FARP1: variants seen among roughly 807,000 people sequenced by gnomAD.
The protein encoded by FARP1 is FERM, ARH/RhoGEF and pleckstrin domain protein 1.
FARP1 carries 52 observed loss-of-function variants against 128.8 expected under a neutral mutation model. The observed-to-expected ratio is 0.40, with a 90% CI of 0.32 to 0.51. FARP1 has a LOEUF of 0.51. Among genes scored for constraint, FARP1 ranks in the 20% least tolerant of loss-of-function variants. FARP1 has a pLI of 0.45. For synonymous variants in FARP1, 580 were observed against 551.8 expected (o/e 1.05, Z -0.72); for missense variants, 1,333 against 1,367.9 (o/e 0.97, Z 0.40).
rs1043785861 is a variant in FARP1 at position 98,176,118 on chromosome 13, C to G, written c.-24+32626C>G. 17 of 1,551,624 alleles carry G rather than the reference C, an allele frequency of 1.1e-5. No homozygotes were observed. Among genetic ancestry groups the G allele is most frequent in the African/African-American group, 4.1e-5 (3 of 73,344 alleles). ...AGACTGTCATCTCTCTCATCTTACTCAACAGGCTGCTTCTCCCCAGTGTAC... is the reference window on the plus strand; with the variant it reads ...AGACTGTCATCTCTCTCATCTTACTGAACAGGCTGCTTCTCCCCAGTGTAC... On this transcript the variant is annotated intron_variant, in intron 1 of 26. Coordinates refer to ENST00000319562, the MANE Select transcript of FARP1 (RefSeq NM_005766.4). The surrounding 1 kb of genome is among the most constrained non-coding windows in gnomAD (Gnocchi z 6.2).
chr13:98,258,462 G>T (rs750064382), intron 2 of FARP1, among the ~76,000 whole-genome samples: 71 of 152,144 alleles, frequency 4.7e-4, no homozygotes, highest in African/African-American at 7.2e-4. Flanking sequence ...CGTGAGCATC[G>T]TGTTTGCTAA....
chr13:98,373,529 G>GACACACACACACACACAC (rs1555341442), intron 5 of FARP1, among the ~76,000 whole-genome samples: 2 of 79,244 alleles, frequency 2.5e-5, no homozygotes, highest in Non-Finnish European at 5.0e-5. Context: ...GAGACAGACA[G>GACACACACACACACACAC]ACAGACACAC....
Position 98,220,613 on chromosome 13 carries a change from G to T in FARP1, c.171+7200G>T, listed in dbSNP as rs114966946. Among the ~76,000 whole-genome samples the T allele has an allele frequency of 3.8e-3, 578 of 152,198 alleles. 6 individuals carry two copies. Among genetic ancestry groups the T allele is most frequent in the African/African-American group, 0.013 (558 of 41,504 alleles). On this transcript the variant is annotated intron_variant, in intron 2 of 26. Coordinates refer to ENST00000319562, the MANE Select transcript of FARP1 (RefSeq NM_005766.4). ...TGCTTGTCTGAGTGTAGCCCCATGAGATTAAATTTAAAGGCTATTTTGGCT... is the reference window on the plus strand; with the variant it reads ...TGCTTGTCTGAGTGTAGCCCCATGATATTAAATTTAAAGGCTATTTTGGCT...
chr13:98,395,259 A>C lies in FARP1; in HGVS notation c.1197A>C (p.Glu399Asp). 6.2e-7 allele frequency: 1 copy of C among 1,604,766 alleles called. No individual in the cohort carries two copies. Among genetic ancestry groups the C allele is most frequent in the Non-Finnish European group, 8.5e-7 (1 of 1,172,610 alleles). ...AGAGCACCAGCCTTACATTTGGAGA[A>C]GGTGCCGAATCTCCAGGGGGCCAGA... Reference protein sequence around the residue: ...SQQSTSLTFGEGAESPGGQSC... With the variant: ...SQQSTSLTFGDGAESPGGQSC... Residue 399 changes from glutamate (E) to aspartate (D), a missense_variant, in exon 13 of 27, where the codon GAA (glutamate) becomes GAC (aspartate). Physicochemically the swap from Glu to Asp is conservative, Grantham distance 45. Coordinates refer to ENST00000319562, the MANE Select transcript of FARP1 (RefSeq NM_005766.4).
intron 2 of FARP1, among the ~76,000 whole-genome samples, chr13:98,260,810 A>G (rs1272250473): frequency 1.3e-5 from 2 of 152,316 alleles, no homozygotes; most frequent in South Asian, 2.1e-4. Context: ...GCTTCTCGTC[A>G]GGTTTTCCAG....
intron 1 of FARP1, among the ~76,000 whole-genome samples, chr13:98,194,854 A>G (rs1594255326): frequency 6.6e-6 from 1 of 152,224 alleles, no homozygotes; most frequent in Non-Finnish European, 1.5e-5. Flanking sequence ...TGTAACCATC[A>G]GTGGCGGGTA....
intron 2 of FARP1, among the ~76,000 whole-genome samples, chr13:98,271,341 A>T (rs1884378980): frequency 6.6e-6 from 1 of 152,156 alleles, no homozygotes; most frequent in Non-Finnish European, 1.5e-5. Context: ...GCTCCTCTTA[A>T]CGGTGGTGAG....
At position 98,448,559 on chromosome 13, in the gene FARP1, T is replaced by TAAAAC. The variant is rs1893009880; in HGVS notation, c.*244_*248dup. 1.9e-6 allele frequency: 1 copy of TAAAAC among 515,256 alleles called. No homozygotes were observed. The highest frequency in any genetic ancestry group is 3.5e-5 in the Admixed American group (1 of 28,540). 31.9% of individuals were successfully genotyped at this position (515,256 alleles called of 1,614,324 possible). On this transcript the variant is annotated 3_prime_UTR_variant, in exon 27 of 27. Transcript: ENST00000319562. ...GCTGTTCTTTAGCTAGTGCCAGTATTAAAACATTGTCATTACGAGAGTGCC... is the reference window on the plus strand; with the variant it reads ...GCTGTTCTTTAGCTAGTGCCAGTATTAAAACAAAACATTGTCATTACGAGAGTGCC...
intron 16 of FARP1, among the ~76,000 whole-genome samples, chr13:98,417,455 G>GGGGAAAAAAA (rs1491453247): frequency 1.7e-5 from 1 of 58,454 alleles, no homozygotes; most frequent in African/African-American, 5.7e-5. Flanking sequence ...CCAGAGGTTT[G>GGGGAAAAAAA]AAAAAAAAAA....
At chr13:98,379,227 TCTATATATA>T (rs1889794521) in intron 6 of FARP1, among the ~76,000 whole-genome samples, 4 of 122,460 alleles carry the variant, frequency 3.3e-5, no homozygotes, top group African/African-American at 9.8e-5. Flanking sequence ...ATATAATCTA[TCTATATATA>T]ATCTATATAT....
chr13:98,144,099 C>T (rs1210444960), intron 1 of FARP1, among the ~76,000 whole-genome samples: 1 of 152,170 alleles, frequency 6.6e-6, no homozygotes, highest in African/African-American at 2.4e-5. Context: ...AAGCAAAGGA[C>T]AGATTGCTTT....
intron 23 of FARP1, 139 bp from the exon 24 acceptor site, chr13:98,440,531 C>T (rs928717952): frequency 2.2e-5 from 18 of 802,876 alleles, no homozygotes; most frequent in East Asian, 1.1e-4. Flanking sequence ...CAGGGTCCAT[C>T]GAGGCCTCAT....
intron 2 of FARP1, among the ~76,000 whole-genome samples, chr13:98,298,581 G>A (rs1885797494): frequency 6.6e-6 from 1 of 152,110 alleles, no homozygotes; most frequent in Non-Finnish European, 1.5e-5. Flanking sequence ...TCTGCCAGCT[G>A]TTCCCAGGAA....
intron 1 of FARP1, among the ~76,000 whole-genome samples, chr13:98,144,595 C>T (rs1232913054): frequency 1.3e-5 from 2 of 152,208 alleles, no homozygotes; most frequent in African/African-American, 4.8e-5. Flanking sequence ...CAGTAGGCAA[C>T]ATCTTCAGAG....
chr13:98,422,641 C>G (rs1891635542), intron 16 of FARP1, among the ~76,000 whole-genome samples: 1 of 152,162 alleles, frequency 6.6e-6, no homozygotes, highest in South Asian at 2.1e-4. Context: ...TGTTGATTGC[C>G]TGGAATGTGA....
At chr13:98,421,626 G>A (rs1284325172) in intron 16 of FARP1, among the ~76,000 whole-genome samples, 2 of 152,208 alleles carry the variant, frequency 1.3e-5, no homozygotes, top group Non-Finnish European at 2.9e-5. Context: ...GAGAGACTGA[G>A]GCAGATGGAT....
intron 12 of FARP1, among the ~76,000 whole-genome samples, chr13:98,394,644 T>A (rs1247943469): frequency 6.6e-6 from 1 of 152,028 alleles, no homozygotes; most frequent in South Asian, 2.1e-4. Flanking sequence ...ATAAAAAAAT[T>A]TAAAAATTAG....
At chr13:98,356,114 A>G (rs1387527004) in intron 3 of FARP1, among the ~76,000 whole-genome samples, 2 of 152,220 alleles carry the variant, frequency 1.3e-5, no homozygotes, top group African/African-American at 4.8e-5. Flanking sequence ...CAATGAGGTT[A>G]CGTTGTTCAA....
chr13:98,256,958 T>G (rs1487470092), intron 2 of FARP1, among the ~76,000 whole-genome samples: 74 of 92,312 alleles, frequency 8.0e-4, no homozygotes, highest in East Asian at 6.2e-3. Flanking sequence ...GATATATATA[T>G]ATATATATAT....
Sources: allele counts gnomAD v4.1 joint callset (sites outside exome capture counted in the v4.1 genomes callset), GRCh38; gene constraint gnomAD v4.1.1; non-coding constraint Gnocchi (gnomAD v3.1); transcripts MANE v1.5; gene names NCBI Gene and HGNC (gene_info 2026-07-23, HGNC 2026-07-21).